Variants in MTA3 observed in about 807,000 individuals in gnomAD.
MTA3 encodes metastasis-associated protein MTA3.
Under a neutral mutation model 83.5 loss-of-function variants are expected in MTA3, and 34 were observed. The ratio of observed to expected loss-of-function variants is 0.41; its 90% CI spans 0.31 to 0.54. The LOEUF (loss-of-function observed/expected upper bound fraction) is 0.54. Ranked by LOEUF, MTA3 falls within the 20% of genes least tolerant of loss-of-function variation. MTA3 has a pLI of 0.33. For synonymous variants in MTA3, 303 were observed against 252.7 expected (o/e 1.20, Z -1.89); for missense variants, 761 against 726.4 (o/e 1.05, Z -0.55).
At chr2:42,707,868 A>G in intron 12 of MTA3, 35 bp from the exon 13 acceptor site, 2 of 1,487,744 alleles carry the variant, frequency 1.3e-6, no homozygotes, top group Non-Finnish European at 1.8e-6. Flanking sequence ...ATTAAATAGC[A>G]TTTTTCGTTT....
chr2:42,579,176 A>G lies in MTA3; in HGVS notation c.166A>G (p.Ile56Val), dbSNP rs755934913. The G allele has an allele frequency of 3.7e-6, 6 of 1,602,762 alleles. No homozygotes were observed. Among genetic ancestry groups the G allele is most frequent in the Non-Finnish European group, 5.1e-6 (6 of 1,175,262 alleles). ...YRRRDISNTL[I>V]MLADKHAKEI... ...ACGACGTGATATTTCCAACACACTT[A>G]TAATGCTCGCAGATAAGCATGCTAG... Residue 56 changes from isoleucine to valine, a missense_variant, in exon 3 of 17, where the codon ATA (isoleucine) becomes GTA (valine). Ile to Val is a conservative substitution (Grantham distance 29). Coordinates refer to ENST00000405094, the MANE Select transcript of MTA3 (RefSeq NM_001330442.2).
chr2:42,582,673 G>C (rs957548923), intron 3 of MTA3, among the ~76,000 whole-genome samples: 2 of 152,116 alleles, frequency 1.3e-5, no homozygotes, highest in African/African-American at 4.8e-5. Context: ...ATGATTTTTA[G>C]GGGGTCTGCT....
intron 2 of MTA3, among the ~76,000 whole-genome samples, chr2:42,525,188 C>T (rs1675630856): frequency 8.2e-6 from 1 of 121,722 alleles, no homozygotes; most frequent in Non-Finnish European, 1.8e-5. Context: ...ATTTCTTTTT[C>T]TTCTTCTTCT....
intron 2 of MTA3, among the ~76,000 whole-genome samples, chr2:42,559,731 C>T (rs1677575280): frequency 6.7e-6 from 1 of 150,304 alleles, no homozygotes; most frequent in Non-Finnish European, 1.5e-5. Flanking sequence ...ACAAAATTAG[C>T]CAGGCGTGGT....
intron 4 of MTA3, among the ~76,000 whole-genome samples, chr2:42,610,161 A>G (rs1160860522): frequency 4.6e-5 from 7 of 152,230 alleles, no homozygotes; most frequent in Non-Finnish European, 8.8e-5. Flanking sequence ...ATTGATTTGA[A>G]TATCTTTTCA....
chr2:42,671,908 C>T (rs1282408757), intron 8 of MTA3, among the ~76,000 whole-genome samples: 1 of 152,174 alleles, frequency 6.6e-6, no homozygotes, highest in Non-Finnish European at 1.5e-5. Flanking sequence ...AAAAAGGAAA[C>T]TTGCTGTTTG....
At chr2:42,711,783 A>AGAGT (rs1553393294) in intron 14 of MTA3, among the ~76,000 whole-genome samples, 1 of 147,630 alleles carries the variant, frequency 6.8e-6, no homozygotes, top group Non-Finnish European at 1.5e-5. Flanking sequence ...AGAGAGAGAG[A>AGAGT]GTGTGTGTGT....
intron 2 of MTA3, among the ~76,000 whole-genome samples, chr2:42,559,563 G>A (rs1014512145): frequency 1.3e-5 from 2 of 149,220 alleles, no homozygotes; most frequent in Non-Finnish European, 3.0e-5. Context: ...CCTTCAGTAA[G>A]AGCTGCTGGC....
At chr2:42,649,351 T>TGCAGTGAGCCAAGATC (rs1159712412) in intron 6 of MTA3, among the ~76,000 whole-genome samples, 7 of 151,442 alleles carry the variant, frequency 4.6e-5, no homozygotes, top group Non-Finnish European at 1.5e-5. Context: ...GAGCAGAGGT[T>TGCAGTGAGCCAAGATC]GCAGTGAGCC....
chr2:42,751,631 G>C (rs954008933), intron 16 of MTA3, among the ~76,000 whole-genome samples: 8 of 152,206 alleles, frequency 5.3e-5, no homozygotes, highest in African/African-American at 1.9e-4. Flanking sequence ...GCAGAGTGGA[G>C]CCTGGGCACC....
intron 2 of MTA3, among the ~76,000 whole-genome samples, chr2:42,520,945 C>T (rs1389490602): frequency 6.6e-6 from 1 of 152,168 alleles, no homozygotes; most frequent in Non-Finnish European, 1.5e-5. Context: ...TGATAAATAT[C>T]TCTTTCCTCT....
Position 42,609,531 on chromosome 2 carries a change from T to C in MTA3, c.264T>C (p.His88=), listed in dbSNP as rs1372188797. ...LTDKQKHQLK[H]RELFLSRQYE... ...ATAAGCAGAAACATCAGTTGAAACATAGGGAACTCTTTTTGTCACGCCAGT... is the reference window on the plus strand; with the variant it reads ...ATAAGCAGAAACATCAGTTGAAACACAGGGAACTCTTTTTGTCACGCCAGT... The change falls in exon 4 of 17, where the codon CAT becomes CAC. Residue 88 remains histidine (H), a synonymous_variant. Coordinates refer to ENST00000405094, the MANE Select transcript of MTA3 (RefSeq NM_001330442.2). 7.4e-6 allele frequency: 12 copies of C among 1,613,736 alleles called. No homozygotes were observed. The East Asian group carries it at 8.9e-5, about 12-fold the overall frequency.
chr2:42,568,740 G>GCGGA lies in MTA3; in HGVS notation c.-4_-1dup, dbSNP rs1678095810. 1 of 1,217,062 alleles carries GCGGA rather than the reference G, an allele frequency of 8.2e-7. No individual in the cohort carries two copies. Among genetic ancestry groups the GCGGA allele is most frequent in the Non-Finnish European group, 1.0e-6 (1 of 979,382 alleles). 75.4% of individuals were successfully genotyped at this position (1,217,062 alleles called of 1,614,324 possible). A position where few individuals can be genotyped will look rare whatever the true frequency, so the allele number is the denominator to read the frequency against. ...CGGCTCGGGCTCCGCGGGCGGGCGG[G>GCGGA]CGGACATGGCGGCCAACATGTACCG... On this transcript the variant is annotated 5_prime_UTR_variant, in exon 1 of 17. Transcript: ENST00000405094.
intron 4 of MTA3, among the ~76,000 whole-genome samples, chr2:42,639,099 C>G (rs190686970): frequency 6.8e-6 from 1 of 146,624 alleles, no homozygotes; most frequent in African/African-American, 2.5e-5. Context: ...CTTGCTCTGT[C>G]GCCCGGGCTG....
chr2:42,667,477 CAT>C (rs1690329600), intron 8 of MTA3, among the ~76,000 whole-genome samples: 1 of 151,926 alleles, frequency 6.6e-6, no homozygotes, highest in South Asian at 2.1e-4. Flanking sequence ...CTCAGTATCT[CAT>C]AAGTTTTTCG....
At chr2:42,661,395 G>A (rs1349255504) in intron 8 of MTA3, among the ~76,000 whole-genome samples, 14 of 151,098 alleles carry the variant, frequency 9.3e-5, no homozygotes, top group Admixed American at 8.6e-4. Flanking sequence ...CAGATACTTG[G>A]GAGGCTGAGA....
At chr2:42,634,381 T>G (rs1686985262) in intron 4 of MTA3, among the ~76,000 whole-genome samples, 1 of 152,224 alleles carries the variant, frequency 6.6e-6, no homozygotes, top group Admixed American at 6.5e-5. Flanking sequence ...TTCACAGTTC[T>G]GCATGGCTGG....
intron 8 of MTA3, among the ~76,000 whole-genome samples, chr2:42,677,847 G>C (rs1260272693): frequency 6.6e-6 from 1 of 152,170 alleles, no homozygotes; most frequent in Non-Finnish European, 1.5e-5. Context: ...TGTGAAAACA[G>C]ACTAATACAG....
At position 42,615,711 on chromosome 2, in the gene MTA3, CTT is replaced by C. The variant is rs35331224; in HGVS notation, c.317+6153_317+6154del. ...ACCACAGATACTTGAATAATCTCTT[CTT>C]TTTTTTTTTTTTTTTTTTTTTTTTT... is the stretch of plus-strand genomic sequence containing the variant. On this transcript the variant is annotated intron_variant, in intron 4 of 16. Coordinates refer to ENST00000405094, the MANE Select transcript of MTA3 (RefSeq NM_001330442.2). Among the ~76,000 whole-genome samples, 7 of 59,804 alleles carry C rather than the reference CTT, an allele frequency of 1.2e-4. No individual in the cohort carries two copies. The South Asian group carries it at 2.4e-3, about 20-fold the overall frequency. The allele number at this position is 59,804 out of a possible 152,430, so 39.2% of individuals were successfully genotyped here.
Sources: gnomAD v4.1 joint callset for allele counts (sites outside exome capture counted in the v4.1 genomes callset) on GRCh38, gnomAD v4.1.1 for gene constraint, MANE v1.5 for transcripts, NCBI Gene and HGNC (gene_info 2026-07-23, HGNC 2026-07-21) for gene names.